The following JPH2 variants were observed in gnomAD, a reference collection of about 807,000 sequenced individuals.
JPH2 encodes the protein junctophilin 2, also known as junctophilin-2.
In JPH2, 38 loss-of-function variants were observed where a neutral mutation model predicts 55.9. The observed-to-expected ratio is 0.68, with a 90% CI of 0.52 to 0.89. The LOEUF is 0.89. JPH2 is among the 40% of genes least tolerant of loss of function. JPH2 has a pLI of 0.00. For missense variants in JPH2, 964 were observed against 1,037.6 expected, an observed-to-expected ratio of 0.93 and a Z score of 0.97; for synonymous variants, 480 against 472.4, an observed-to-expected ratio of 1.02 and a Z score of -0.21.
intron 2 of JPH2, among the ~76,000 whole-genome samples, chr20:44,134,234 A>ATATT (rs1185755365): frequency 2.2e-5 from 1 of 46,428 alleles, no homozygotes; most frequent in African/African-American, 9.0e-5. Flanking sequence ...ATATATATAA[A>ATATT]TATTTATTAT....
At chr20:44,130,134 C>T (rs756161713) in intron 2 of JPH2, among the ~76,000 whole-genome samples, 10 of 152,182 alleles carry the variant, frequency 6.6e-5, no homozygotes, top group South Asian at 2.1e-4. Context: ...CACTTTACAG[C>T]GGAAGAAACG....
chr20:44,142,299 CTT>C (rs1569200211), intron 2 of JPH2, among the ~76,000 whole-genome samples: 1 of 152,186 alleles, frequency 6.6e-6, no homozygotes, highest in African/African-American at 2.4e-5. Context: ...AGAAAGGAAA[CTT>C]TTCCTTTCTT....
At chr20:44,126,049 C>T (rs1043154673) in intron 2 of JPH2, among the ~76,000 whole-genome samples, 1 of 150,530 alleles carries the variant, frequency 6.6e-6, no homozygotes, top group Non-Finnish European at 1.5e-5. Flanking sequence ...TTGCTTGAGC[C>T]CAGGAGGTCA....
chr20:44,153,514 T>A (rs1380200274), intron 2 of JPH2, among the ~76,000 whole-genome samples: 1 of 151,974 alleles, frequency 6.6e-6, no homozygotes, highest in African/African-American at 2.4e-5. Context: ...AGCTTCGGAG[T>A]TTCCAGAGCC....
chr20:44,111,420 T>C lies in JPH2; in HGVS notation c.*2098A>G, dbSNP rs2072142819. ...AGCGAAGAAAGTGGCTGGGCTAGCA[T>C]TGGAGGCTGGGGGGACTCCACCTCA... On this transcript the variant is annotated 3_prime_UTR_variant, in exon 6 of 6. Transcript: ENST00000372980. Among the ~76,000 whole-genome samples the C allele has an allele frequency of 6.6e-6, 1 of 152,154 alleles. No individual in the cohort carries two copies. Among genetic ancestry groups the C allele is most frequent in the Admixed American group, 6.5e-5 (1 of 15,270 alleles).
intron 2 of JPH2, among the ~76,000 whole-genome samples, chr20:44,144,053 A>G (rs1600848752): frequency 6.6e-6 from 1 of 152,312 alleles, no homozygotes; most frequent in East Asian, 1.9e-4. Context: ...GCCAAGTTCC[A>G]TCCCTCAAGC....
intron 4 of JPH2, among the ~76,000 whole-genome samples, 196 bp downstream of exon 4, chr20:44,115,469 C>G (rs1159931360): frequency 6.6e-6 from 1 of 152,184 alleles, no homozygotes; most frequent in Admixed American, 6.5e-5. Flanking sequence ...CGGCCATTTA[C>G]GCTCCAACGT....
rs757000497 is a variant in JPH2, at chr20:44,115,986, G to A, written c.1689C>T (p.Tyr563=). Reference sequence around the variant, plus strand: ...GCACAGCATAGCTGTGGTAGCCCTGGTAAAGCGCCACCTCCGGCTCCCGCG... The same window carrying A: ...GCACAGCATAGCTGTGGTAGCCCTGATAAAGCGCCACCTCCGGCTCCCGCG... ...APSREPEVAL[Y]QGYHSYAVRT... is the part of the protein sequence containing the mutation. The change falls in exon 4 of 6, where the codon TAC becomes TAT. Residue 563 remains tyrosine, a synonymous_variant. Coordinates refer to ENST00000372980, the MANE Select transcript of JPH2 (RefSeq NM_020433.5). 3 of 1,578,604 alleles carry A rather than the reference G, an allele frequency of 1.9e-6. No homozygotes were observed. The highest frequency in any genetic ancestry group is 2.6e-6 in the Non-Finnish European group (3 of 1,170,314).
intron 2 of JPH2, among the ~76,000 whole-genome samples, chr20:44,140,219 G>C (rs1237849926): frequency 1.3e-5 from 2 of 152,144 alleles, no homozygotes; most frequent in Admixed American, 1.3e-4. Flanking sequence ...GGGCCTCTTA[G>C]GGCAGGCTTT....
At chr20:44,134,039 T>TATTATAAATATATATTTATTATAA (rs1288501104) in intron 2 of JPH2, among the ~76,000 whole-genome samples, 1 of 12,490 alleles carries the variant, frequency 8.0e-5, no homozygotes, top group Non-Finnish European at 1.2e-4. Context: ...AATATATATT[T>TATTATAAATATATATTTATTATAA]ATATATAAAT....
chr20:44,114,649 A>C, intron 5 of JPH2, 133 bp downstream of exon 5: 1 of 643,400 alleles, frequency 1.6e-6, no homozygotes, highest in South Asian at 1.6e-5. Flanking sequence ...TGGCTTCTGC[A>C]GGTGGGTGGG....
At position 44,133,983 on chromosome 20, in the gene JPH2, ATAT is replaced by A. The variant is rs1451221650; in HGVS notation, c.1170-15363_1170-15361del. ...AATATATATTATAATATATAAATATATATTATTATAAATATATATAAATATATA... is the reference window on the plus strand; with the variant it reads ...AATATATATTATAATATATAAATATATATTATAAATATATATAAATATATA... On this transcript the variant is annotated intron_variant, in intron 2 of 5. Transcript: ENST00000372980. 9.3e-5 allele frequency among the ~76,000 whole-genome samples: 5 copies of A among 53,950 alleles called. 1 individual carries two copies. The highest frequency in any genetic ancestry group is 1.5e-4 in the Non-Finnish European group (5 of 32,350). The allele number at this position is 53,950 out of a possible 152,430, so 35.4% of individuals were successfully genotyped here.
rs556036530 is a variant in JPH2, at chr20:44,133,768, A to G, written c.1170-15145T>C. On this transcript the variant is annotated intron_variant, in intron 2 of 5. Transcript: ENST00000372980. ...GTCCTGTTCCATCTGATGCTCTCCA[A>G]TGCCTTCTTAGAGCTGGAAGGCATG... Among the ~76,000 whole-genome samples the G allele has an allele frequency of 7.4e-5, 11 of 148,330 alleles. No homozygotes were observed. The East Asian group carries it at 7.8e-4, about 11-fold the overall frequency.
chr20:44,145,464 G>C (rs1330955891), intron 2 of JPH2, among the ~76,000 whole-genome samples: 2 of 152,042 alleles, frequency 1.3e-5, no homozygotes, highest in African/African-American at 4.8e-5. Context: ...AAGTTAGCTG[G>C]GTGTGGTAGC....
At position 44,159,039 on chromosome 20, in the gene JPH2, A is replaced by G. The variant is rs1037111469; in HGVS notation, c.1169+579T>C. On this transcript the variant is annotated intron_variant, in intron 2 of 5. Coordinates refer to ENST00000372980, the MANE Select transcript of JPH2 (RefSeq NM_020433.5). The surrounding 1 kb of genome is among the most constrained non-coding windows in gnomAD (Gnocchi z 5.7). ...TGGATGGGTGATGAGCTGGTTGAGT[A>G]GGTAAAAGGATGAAAAATTGGGTAG... Among the ~76,000 whole-genome samples the G allele has an allele frequency of 6.6e-6, 1 of 152,086 alleles. No homozygotes were observed. The highest frequency in any genetic ancestry group is 1.5e-5 in the Non-Finnish European group (1 of 68,012).
rs2072123144 is a variant in JPH2, at chr20:44,108,740, C to T, written c.*4778G>A. Among the ~76,000 whole-genome samples the T allele has an allele frequency of 6.6e-6, 1 of 152,014 alleles. No individual in the cohort carries two copies. Among genetic ancestry groups the T allele is most frequent in the Non-Finnish European group, 1.5e-5 (1 of 68,010 alleles). Reference sequence around the variant, plus strand: ...TGTTCTGACACATGAGGTGCCCTGGCATCTGTTGCCGTACATGAGGGTCTC... The same window carrying T: ...TGTTCTGACACATGAGGTGCCCTGGTATCTGTTGCCGTACATGAGGGTCTC... On this transcript the variant is annotated 3_prime_UTR_variant, in exon 6 of 6. Transcript: ENST00000372980.
chr20:44,186,658 C>A lies in JPH2; in HGVS notation c.48G>T (p.Gly16=), dbSNP rs917953744. The change falls in exon 1 of 6, where the codon GGG becomes GGT. Residue 16 remains glycine, a synonymous_variant. Transcript: ENST00000372980. The part of the protein sequence containing the change: ...FDFDDGGAYC[G]GWEGGKAHGH... ...CATGGGCCTTTCCCCCCTCCCAGCC[C>A]CCGCAGTACGCCCCTCCATCATCAA... 5 of 1,605,816 alleles carry A rather than the reference C, an allele frequency of 3.1e-6. No homozygotes were observed. In the African/African-American group the frequency reaches 6.7e-5, roughly 21 times the overall value.
At chr20:44,153,726 T>C (rs962066627) in intron 2 of JPH2, among the ~76,000 whole-genome samples, 2 of 152,240 alleles carry the variant, frequency 1.3e-5, no homozygotes, top group African/African-American at 2.4e-5. Flanking sequence ...GACTACTTCC[T>C]GCTTGTCAGC....
At chr20:44,115,221 T>C (rs1182633952) in intron 4 of JPH2, among the ~76,000 whole-genome samples, 1 of 152,164 alleles carries the variant, frequency 6.6e-6, no homozygotes, top group East Asian at 1.9e-4. Flanking sequence ...CCGCCGTTCC[T>C]AGCTCCCTGC....
Sources: gnomAD v4.1 joint callset for allele counts (sites outside exome capture counted in the v4.1 genomes callset) on GRCh38, gnomAD v4.1.1 for gene constraint, Gnocchi (gnomAD v3.1) non-coding constraint, MANE v1.5 for transcripts, NCBI Gene and HGNC (gene_info 2026-07-23, HGNC 2026-07-21) for gene names.